Variants in LRCH1 observed in about 807,000 individuals in gnomAD.
LRCH1 encodes leucine-rich repeat and calponin homology domain-containing protein 1.
A neutral mutation model predicts 94.9 loss-of-function variants in LRCH1; 23 were observed. The ratio of observed to expected loss-of-function variants is 0.24; its 90% confidence interval spans 0.17 to 0.34. LRCH1 has a LOEUF of 0.34. Ranked by LOEUF, LRCH1 falls within the 10% of genes least tolerant of loss-of-function variation. LRCH1 has a pLI of 1.00. For synonymous variants in LRCH1, 364 were observed against 354.9 expected (o/e 1.03, Z -0.29); for missense variants, 790 against 945.9 (o/e 0.84, Z 2.16).
intron 1 of LRCH1, among the ~76,000 whole-genome samples, chr13:46,555,907 CTTAT>C (rs2050059202): frequency 2.0e-5 from 3 of 152,194 alleles, no homozygotes; most frequent in African/African-American, 7.2e-5. Flanking sequence ...AGCACAGTTT[CTTAT>C]TTGAGAGACC....
chr13:46,749,144 C>T (rs569136396), downstream of LRCH1, among the ~76,000 whole-genome samples: 38 of 152,296 alleles, frequency 2.5e-4, no homozygotes, highest in African/African-American at 8.4e-4. Flanking sequence ...ACAGTGACTC[C>T]ATCACCTAGG....
chr13:46,702,116 G>A (rs1417890475), intron 11 of LRCH1, among the ~76,000 whole-genome samples: 1 of 152,216 alleles, frequency 6.6e-6, no homozygotes, highest in Non-Finnish European at 1.5e-5. Flanking sequence ...GGGAAGATCT[G>A]CAGTGTGCAC....
chr13:46,712,825 A>T lies in LRCH1; in HGVS notation c.1654+228A>T, dbSNP rs57341729. 3.6e-3 allele frequency among the ~76,000 whole-genome samples: 547 copies of T among 152,336 alleles called. 4 individuals carry two copies. Among genetic ancestry groups the T allele is most frequent in the African/African-American group, 0.01 (436 of 41,574 alleles). On this transcript the variant is annotated intron_variant, in intron 15 of 19. Transcript: ENST00000389797. Reference sequence around the variant, plus strand: ...TATCTTCGTTTGAATCCGAGCAAAGAAAAAACAGGTGGTGGGAGCATGTAA... The same window carrying T: ...TATCTTCGTTTGAATCCGAGCAAAGTAAAAACAGGTGGTGGGAGCATGTAA...
chr13:46,697,701 C>T (rs982432355), intron 9 of LRCH1, among the ~76,000 whole-genome samples: 3 of 152,126 alleles, frequency 2.0e-5, no homozygotes, highest in African/African-American at 7.2e-5. Context: ...AATTTTTTAC[C>T]ACTCTGTAGA....
In LRCH1 at chr13:46,598,588, C is replaced by CA. The variant is rs1170786195; in HGVS notation, c.307+44887dup. On this transcript the variant is annotated intron_variant, in intron 1 of 19. Coordinates refer to ENST00000389797, the MANE Select transcript of LRCH1 (RefSeq NM_001164211.2). ...GTAACTTTTGTAGTTTCACCACTAA[C>CA]AACAACAAAAAAAAAAGAACACAAA... 1.3e-3 allele frequency among the ~76,000 whole-genome samples: 144 copies of CA among 106,780 alleles called. 1 individual carries two copies. Among genetic ancestry groups the CA allele is most frequent in the African/African-American group, 3.9e-3 (107 of 27,480 alleles). 70.1% of individuals were successfully genotyped at this position (106,780 alleles called of 152,430 possible).
At chr13:46,731,055 ATTCT>A (rs1219718893) in intron 18 of LRCH1, among the ~76,000 whole-genome samples, 1 of 151,002 alleles carries the variant, frequency 6.6e-6, no homozygotes, top group Non-Finnish European at 1.5e-5. Context: ...AAAACAAATC[ATTCT>A]TTATTCTCCT....
At chr13:46,606,825 G>T (rs1018649526) in intron 1 of LRCH1, among the ~76,000 whole-genome samples, 1 of 152,180 alleles carries the variant, frequency 6.6e-6, no homozygotes, top group African/African-American at 2.4e-5. Context: ...TCCTGCCTCG[G>T]CTGGTGTGCT....
At chr13:46,730,184 T>C (rs1238675025) in intron 18 of LRCH1, among the ~76,000 whole-genome samples, 1 of 152,200 alleles carries the variant, frequency 6.6e-6, no homozygotes, top group Non-Finnish European at 1.5e-5. Context: ...GGGTTAAGAA[T>C]GTAAGGTTTG....
chr13:46,676,789 T>G (rs1040635556), intron 3 of LRCH1, among the ~76,000 whole-genome samples: 2 of 152,128 alleles, frequency 1.3e-5, no homozygotes, highest in African/African-American at 4.8e-5. Context: ...TTTTTTCTTT[T>G]TGTTTTGAGA....
At chr13:46,577,022 A>C (rs1262384666) in intron 1 of LRCH1, among the ~76,000 whole-genome samples, 1 of 152,120 alleles carries the variant, frequency 6.6e-6, no homozygotes, top group Non-Finnish European at 1.5e-5. Context: ...TGTGGAACTC[A>C]TGGTGGCCTT....
intron 1 of LRCH1, among the ~76,000 whole-genome samples, chr13:46,578,095 A>G (rs185610622): frequency 2.6e-4 from 39 of 152,264 alleles, no homozygotes; most frequent in African/African-American, 7.5e-4. Context: ...CTCCTCCCCC[A>G]TCTCTGCCCC....
chr13:46,710,028 A>G (rs1336516059), intron 13 of LRCH1, among the ~76,000 whole-genome samples: 1 of 152,158 alleles, frequency 6.6e-6, no homozygotes, highest in East Asian at 1.9e-4. Context: ...GCATAGCCCT[A>G]TATTAATTCA....
At chr13:46,555,229 C>T (rs1419154344) in intron 1 of LRCH1, among the ~76,000 whole-genome samples, 1 of 152,144 alleles carries the variant, frequency 6.6e-6, no homozygotes, top group African/African-American at 2.4e-5. Flanking sequence ...CCAAGAATTG[C>T]CTGAATCACT....
chr13:46,582,031 T>C (rs1458462839), intron 1 of LRCH1, among the ~76,000 whole-genome samples: 2 of 151,512 alleles, frequency 1.3e-5, no homozygotes, highest in African/African-American at 4.9e-5. Context: ...GTGCCTGTAG[T>C]CCCAGCTACT....
chr13:46,742,597 T>G lies in LRCH1; in HGVS notation c.*749T>G, dbSNP rs1397036036. 1.0e-6 allele frequency: 1 copy of G among 985,342 alleles called. No individual in the cohort carries two copies. Among genetic ancestry groups the G allele is most frequent in the Non-Finnish European group, 1.2e-6 (1 of 829,956 alleles). 61.0% of individuals were successfully genotyped at this position (985,342 alleles called of 1,614,324 possible). ...AGGAGTCACTTAAACACCAGTTTTT[T>G]ACTGCTTAATTCCTTGTTAGGTCTT... On this transcript the variant is annotated 3_prime_UTR_variant, in exon 20 of 20. Coordinates refer to ENST00000389797, the MANE Select transcript of LRCH1 (RefSeq NM_001164211.2).
downstream of LRCH1, among the ~76,000 whole-genome samples, chr13:46,749,086 T>C (rs1874022172): frequency 6.6e-6 from 1 of 152,228 alleles, no homozygotes; most frequent in Non-Finnish European, 1.5e-5. Context: ...AAGTGTCACG[T>C]GGAAGGAAGC....
intron 1 of LRCH1, among the ~76,000 whole-genome samples, chr13:46,576,950 C>T (rs1213762066): frequency 3.9e-5 from 6 of 152,192 alleles, no homozygotes; most frequent in Non-Finnish European, 8.8e-5. Flanking sequence ...CTTCTCTCAT[C>T]TGAAGCTTGG....
chr13:46,582,648 CTTTTTTTTT>C lies in LRCH1; in HGVS notation c.307+28961_307+28969del, dbSNP rs551678501. Reference sequence around the variant, plus strand: ...CACAGGCACGCACCACCATGCCCAGCTTTTTTTTTTTTTTTTTTTTTTTTGTATTTTTAG... The same window carrying C: ...CACAGGCACGCACCACCATGCCCAGCTTTTTTTTTTTTTTTGTATTTTTAG... On this transcript the variant is annotated intron_variant, in intron 1 of 19. Coordinates refer to ENST00000389797, the MANE Select transcript of LRCH1 (RefSeq NM_001164211.2). 7.3e-4 allele frequency among the ~76,000 whole-genome samples: 17 copies of C among 23,334 alleles called. 1 individual carries two copies. The highest frequency in any genetic ancestry group is 5.3e-3 in the Admixed American group (6 of 1,132). The allele number at this position is 23,334 out of a possible 152,430, so 15.3% of individuals were successfully genotyped here. A position where few individuals can be genotyped will look rare whatever the true frequency, so the allele number is the denominator to read the frequency against.
intron 14 of LRCH1, 90 bp from the exon 15 acceptor site, chr13:46,712,435 T>C: frequency 9.8e-7 from 1 of 1,016,842 alleles, no homozygotes; most frequent in Non-Finnish European, 1.5e-6. Context: ...GGAGTAGTTT[T>C]GTTACAATCC....
Sources: allele counts gnomAD v4.1 joint callset (sites outside exome capture counted in the v4.1 genomes callset), GRCh38; gene constraint gnomAD v4.1.1; transcripts MANE v1.5; gene names NCBI Gene and HGNC (gene_info 2026-07-23, HGNC 2026-07-21).